INHBC: variants seen among roughly 807,000 people sequenced by gnomAD.
INHBC encodes the protein inhibin subunit beta C, also known as inhibin beta C chain.
In INHBC, 10 loss-of-function variants were observed where a neutral mutation model predicts 12.4. The ratio of observed to expected loss-of-function variants is 0.81; its 90% CI spans 0.50 to 1.37. INHBC has a LOEUF of 1.37. Ranked by LOEUF, INHBC falls within the 40% of genes most tolerant of loss-of-function variation. The pLI is 0.00. For synonymous variants in INHBC, 147 were observed against 171.6 expected (o/e 0.86, Z 1.12); for missense variants, 382 against 439.4 (o/e 0.87, Z 1.17).
In INHBC at chr12:57,449,617, G is replaced by A; in HGVS notation, c.654G>A (p.Arg218=). The A allele has an allele frequency of 6.2e-7, 1 of 1,614,238 alleles. No individual in the cohort carries two copies. Among genetic ancestry groups the A allele is most frequent in the Non-Finnish European group, 8.5e-7 (1 of 1,180,034 alleles). Residue 218 remains arginine (R), a synonymous_variant, in exon 2 of 2, where the codon AGG becomes AGA. Transcript: ENST00000309668. ...SSVILGGAAH[R]PFVAARVRVG... ...TCATCCTGGGTGGAGCTGCCCATAGGCCTTTTGTGGCAGCCCGGGTGAGAG... is the reference window on the plus strand; with the variant it reads ...TCATCCTGGGTGGAGCTGCCCATAGACCTTTTGTGGCAGCCCGGGTGAGAG...
At chr12:57,445,212 T>C (rs1451575299) in intron 1 of INHBC, among the ~76,000 whole-genome samples, 5 of 152,230 alleles carry the variant, frequency 3.3e-5, no homozygotes, top group Non-Finnish European at 7.3e-5. Context: ...ACAAGTTTCC[T>C]ATTTCAAGGA....
intron 1 of INHBC, among the ~76,000 whole-genome samples, chr12:57,436,728 G>A (rs1870349949): frequency 6.6e-6 from 1 of 151,182 alleles, no homozygotes; most frequent in Non-Finnish European, 1.5e-5. Flanking sequence ...GTGCAGTGGC[G>A]CGATCTTGGC....
At chr12:57,445,358 A>G (rs1333264118) in intron 1 of INHBC, among the ~76,000 whole-genome samples, 1 of 152,128 alleles carries the variant, frequency 6.6e-6, no homozygotes, top group African/African-American at 2.4e-5. Context: ...GAATCACTTG[A>G]GTGAACGAAA....
chr12:57,439,646 A>G (rs1042089398), intron 1 of INHBC, among the ~76,000 whole-genome samples: 3 of 152,142 alleles, frequency 2.0e-5, no homozygotes, highest in African/African-American at 4.8e-5. Flanking sequence ...AATAAATTGT[A>G]GTCTACTCAG....
rs764896315 is a variant in INHBC, at chr12:57,435,115, C to T, written c.229C>T (p.Gln77Ter). 1 of 1,614,206 alleles carries T rather than the reference C, an allele frequency of 6.2e-7. No homozygotes were observed. Among genetic ancestry groups the T allele is most frequent in the African/African-American group, 1.3e-5 (1 of 75,060 alleles). The change falls in exon 1 of 2, where the codon CAG (glutamine) becomes TAG (stop). Residue 77 changes from glutamine to a stop codon, truncating the protein, a stop_gained. Coordinates refer to ENST00000309668, the MANE Select transcript of INHBC (RefSeq NM_005538.4). LOFTEE classifies it high-confidence loss of function. ...CAGAGCTGCTTTGAGGACTGCACTG[C>T]AGCACCTCCACGGGGTCCCACAGGG... is the stretch of plus-strand genomic sequence containing the variant. Reference protein sequence around the residue: ...VSRAALRTALQHLHGVPQGAL... With the variant: ...VSRAALRTAL
Position 57,449,512 on chromosome 12 carries a change from G to T in INHBC, c.549G>T (p.Gly183=), listed in dbSNP as rs1870660862. Residue 183 remains glycine, a synonymous_variant, in exon 2 of 2, where the codon GGG becomes GGT. Coordinates refer to ENST00000309668, the MANE Select transcript of INHBC (RefSeq NM_005538.4). ...DASGWHQLPL[G]PEAQAACSQG... ...GTGGCTGGCATCAACTCCCCCTAGGGCCTGAAGCTCAAGCTGCCTGCAGCC... is the reference window on the plus strand; with the variant it reads ...GTGGCTGGCATCAACTCCCCCTAGGTCCTGAAGCTCAAGCTGCCTGCAGCC... 5.6e-6 allele frequency: 9 copies of T among 1,614,040 alleles called. No individual in the cohort carries two copies. The highest frequency in any genetic ancestry group is 5.3e-5 in the African/African-American group (4 of 74,924).
At position 57,445,805 on chromosome 12, in the gene INHBC, G is replaced by A. The variant is rs1322399593; in HGVS notation, c.314-3472G>A. On this transcript the variant is annotated intron_variant, in intron 1 of 1. Coordinates refer to ENST00000309668, the MANE Select transcript of INHBC (RefSeq NM_005538.4). ...ATCCAGGCTAGAGTGCAATGCAATGGCATGATCTCGGCTCACTGCAACCTC... is the reference window on the plus strand; with the variant it reads ...ATCCAGGCTAGAGTGCAATGCAATGACATGATCTCGGCTCACTGCAACCTC... 1.3e-5 allele frequency among the ~76,000 whole-genome samples: 2 copies of A among 148,828 alleles called. 1 individual carries two copies. Among genetic ancestry groups the A allele is most frequent in the African/African-American group, 5.0e-5 (2 of 40,212 alleles).
chr12:57,442,226 A>G (rs1439241976), intron 1 of INHBC, among the ~76,000 whole-genome samples: 5 of 152,210 alleles, frequency 3.3e-5, no homozygotes, highest in African/African-American at 4.8e-5. Context: ...TAAGTACTCA[A>G]TAAACACCAT....
chr12:57,435,078 C>T lies in INHBC; in HGVS notation c.192C>T (p.Asn64=). 1 of 1,614,184 alleles carries T rather than the reference C, an allele frequency of 6.2e-7. No individual in the cohort carries two copies. Among genetic ancestry groups the T allele is most frequent in the African/African-American group, 1.3e-5 (1 of 75,064 alleles). The change falls in exon 1 of 2, where the codon AAC becomes AAT. Residue 64 remains asparagine, a synonymous_variant. Transcript: ENST00000309668. The part of the protein sequence containing the change: ...KLHLTQRPTL[N]RPVSRAALRT... The stretch of plus-strand genomic sequence containing the variant: ...ACCTCACCCAGCGCCCAACACTGAA[C>T]CGCCCTGTGTCCAGAGCTGCTTTGA...
intron 1 of INHBC, among the ~76,000 whole-genome samples, chr12:57,447,903 AT>A (rs1870622672): frequency 9.7e-6 from 1 of 102,716 alleles, no homozygotes; most frequent in African/African-American, 3.4e-5. Flanking sequence ...ATATATATAT[AT>A]ATATATATAT....
Position 57,449,791 on chromosome 12 carries a change from C to T in INHBC, c.828C>T (p.Cys276=). The T allele has an allele frequency of 1.9e-6, 3 of 1,614,148 alleles. No homozygotes were observed. The highest frequency in any genetic ancestry group is 2.5e-6 in the Non-Finnish European group (3 of 1,179,984). Residue 276 remains cysteine, a synonymous_variant, in exon 2 of 2, where the codon TGC becomes TGT. Coordinates refer to ENST00000309668, the MANE Select transcript of INHBC (RefSeq NM_005538.4). ...CTGAGGGCTACGCCATGAACTTCTG[C>T]ATAGGGCAGTGCCCACTACACATAG... ...IQPEGYAMNF[C]IGQCPLHIAG...
intron 1 of INHBC, among the ~76,000 whole-genome samples, chr12:57,438,370 T>C (rs1363581638): frequency 6.6e-6 from 1 of 152,158 alleles, no homozygotes; most frequent in East Asian, 1.9e-4. Context: ...CTAATTCTAT[T>C]AATGAGGGCT....
intron 1 of INHBC, among the ~76,000 whole-genome samples, chr12:57,447,108 A>G (rs1430105112): frequency 6.6e-6 from 1 of 152,234 alleles, no homozygotes; most frequent in African/African-American, 2.4e-5. Context: ...TAATAGGGAT[A>G]CAAAGAAATG....
rs1006968833 is a variant in INHBC, at chr12:57,450,637, A to C, written c.*615A>C. 6.6e-6 allele frequency: 1 copy of C among 152,166 alleles called. No individual in the cohort carries two copies. Among genetic ancestry groups the C allele is most frequent in the Non-Finnish European group, 1.5e-5 (1 of 68,092 alleles). The allele number at this position is 152,166 out of a possible 1,614,324, so 9.4% of individuals were successfully genotyped here. ...CTTCTCTGCCTTTCTCTATGCCCTT[A>C]AGGGCTGACTTGCCTGAGCTCTATC... is the stretch of plus-strand genomic sequence containing the variant. On this transcript the variant is annotated 3_prime_UTR_variant, in exon 2 of 2. Coordinates refer to ENST00000309668, the MANE Select transcript of INHBC (RefSeq NM_005538.4).
chr12:57,435,171 A>G lies in INHBC; in HGVS notation c.285A>G (p.Glu95=), dbSNP rs1039925014. Residue 95 remains glutamate, a synonymous_variant, in exon 1 of 2, where the codon GAA becomes GAG. Transcript: ENST00000309668. ...GALLEDNREQ[E]CEIISFAETG... is the part of the protein sequence containing the mutation. ...TTCTAGAGGACAACAGGGAACAGGA[A>G]TGTGAAATCATCAGCTTTGCTGAGA... 1.2e-6 allele frequency: 2 copies of G among 1,612,920 alleles called. No homozygotes were observed. Among genetic ancestry groups the G allele is most frequent in the African/African-American group, 1.3e-5 (1 of 74,882 alleles).
intron 1 of INHBC, among the ~76,000 whole-genome samples, chr12:57,446,456 C>CTTTA (rs57129298): frequency 0.013 from 1,684 of 130,396 alleles, 37 homozygotes; most frequent in African/African-American, 0.035. Context: ...GAGCTTAGGA[C>CTTTA]TTTATTTATT....
chr12:57,435,245 G>A, intron 1 of INHBC, 46 bp downstream of exon 1: 1 of 1,541,734 alleles, frequency 6.5e-7, no homozygotes, highest in Non-Finnish European at 8.8e-7. Flanking sequence ...GACCCCTCAA[G>A]GAAAGGAAAA....
intron 1 of INHBC, among the ~76,000 whole-genome samples, chr12:57,443,301 T>A (rs1231419879): frequency 1.3e-5 from 2 of 151,208 alleles, no homozygotes; most frequent in African/African-American, 4.9e-5. Flanking sequence ...TTTCTTTTTT[T>A]AAGACAGAGT....
intron 1 of INHBC, 141 bp downstream of exon 1, chr12:57,435,340 G>C: frequency 7.4e-6 from 6 of 806,264 alleles, no homozygotes; most frequent in South Asian, 7.2e-5. Context: ...CCTTACCCAG[G>C]TGTCCCGACA....
Sources: allele counts gnomAD v4.1 joint callset (sites outside exome capture counted in the v4.1 genomes callset), GRCh38; gene constraint gnomAD v4.1.1; transcripts MANE v1.5; gene names NCBI Gene and HGNC (gene_info 2026-07-23, HGNC 2026-07-21).